Variants in SMIM13 observed in about 807,000 individuals in gnomAD.
SMIM13 encodes the protein UPF0766 protein C6orf228.
In SMIM13, 3 loss-of-function variants were observed where a neutral mutation model predicts 5.9. The ratio of observed to expected loss-of-function variants is 0.51; its 90% CI spans 0.23 to 1.31. The LOEUF is 1.31. Among genes scored for constraint, SMIM13 ranks in the 40% most tolerant of loss-of-function variants. SMIM13 has a pLI of 0.18. For synonymous variants in SMIM13, 55 were observed against 46.0 expected (o/e 1.19, Z -0.79); for missense variants, 85 against 109.9 (o/e 0.77, Z 1.01).
chr6:11,101,579 A>T (rs1757991774), intron 1 of SMIM13, among the ~76,000 whole-genome samples: 1 of 152,026 alleles, frequency 6.6e-6, no homozygotes, highest in African/African-American at 2.4e-5. Context: ...GAGTGGGCCG[A>T]TTGATTGGTC....
intron 1 of SMIM13, among the ~76,000 whole-genome samples, chr6:11,127,931 G>T (rs1758399601): frequency 1.3e-5 from 2 of 152,152 alleles, no homozygotes; most frequent in Admixed American, 6.5e-5. Flanking sequence ...CTTCCCTCTG[G>T]CCCAGAGCAG....
intron 1 of SMIM13, among the ~76,000 whole-genome samples, chr6:11,100,846 A>T (rs979175738): frequency 3.3e-5 from 5 of 152,128 alleles, no homozygotes; most frequent in Admixed American, 2.0e-4. Flanking sequence ...GTCATTATAC[A>T]TGACTTGGTT....
chr6:11,134,453 G>T lies in SMIM13; in HGVS notation c.127G>T (p.Glu43Ter), dbSNP rs1758491413. The T allele has an allele frequency of 2.6e-6, 4 of 1,551,014 alleles. No homozygotes were observed. The highest frequency in any genetic ancestry group is 3.5e-6 in the Non-Finnish European group (4 of 1,146,630). ...TTTATCAAAATTCAAGTTTCTCCGG[G>T]AACTGGTGGGAGACACAGGATCCCA... ...LFLSKFKFLR[E>*]LVGDTGSQEG... The change falls in exon 2 of 2, where the codon GAA (glutamate) becomes TAA (stop). Residue 43 changes from glutamate (E) to a stop codon, truncating the protein, a stop_gained. Coordinates refer to ENST00000416247, the MANE Select transcript of SMIM13 (RefSeq NM_001135575.2). LOFTEE classifies it high-confidence loss of function.
intron 1 of SMIM13, among the ~76,000 whole-genome samples, chr6:11,123,110 G>A (rs1365466842): frequency 6.6e-6 from 1 of 152,140 alleles, no homozygotes; most frequent in Non-Finnish European, 1.5e-5. Flanking sequence ...CACTGTACCT[G>A]CTCCTGGGGC....
chr6:11,120,397 A>G (rs550775079), intron 1 of SMIM13, among the ~76,000 whole-genome samples: 45 of 152,308 alleles, frequency 3.0e-4, no homozygotes, highest in Middle Eastern at 6.8e-3. Context: ...TTCCTGGTTC[A>G]TAGATGTCTG....
At chr6:11,106,610 G>A (rs1758087427) in intron 1 of SMIM13, among the ~76,000 whole-genome samples, 1 of 152,220 alleles carries the variant, frequency 6.6e-6, no homozygotes, top group African/African-American at 2.4e-5. Context: ...CAATACCCAT[G>A]TTGGGTGGCC....
intron 1 of SMIM13, among the ~76,000 whole-genome samples, chr6:11,113,128 G>T (rs1054718734): frequency 6.6e-6 from 1 of 152,212 alleles, no homozygotes; most frequent in Non-Finnish European, 1.5e-5. Context: ...TGTAGTAGTA[G>T]TATTAGTAGT....
intron 1 of SMIM13, among the ~76,000 whole-genome samples, chr6:11,107,037 A>C (rs1758095681): frequency 6.6e-6 from 1 of 152,000 alleles, no homozygotes; most frequent in South Asian, 2.1e-4. Flanking sequence ...CAGAGCTTTA[A>C]CCTCTGTAAT....
chr6:11,117,747 T>TA (rs1491222442), intron 1 of SMIM13, among the ~76,000 whole-genome samples: 1 of 130,872 alleles, frequency 7.6e-6, no homozygotes, highest in Non-Finnish European at 1.7e-5. Flanking sequence ...ATGGTCTATC[T>TA]TTTTTTTTTT....
At chr6:11,126,783 GT>G (rs1184060473) in intron 1 of SMIM13, among the ~76,000 whole-genome samples, 1 of 152,162 alleles carries the variant, frequency 6.6e-6, no homozygotes, top group African/African-American at 2.4e-5. Context: ...TGCTTTCCAA[GT>G]TTTGGAAGGG....
chr6:11,120,382 C>T (rs535988666), intron 1 of SMIM13, among the ~76,000 whole-genome samples: 1 of 152,136 alleles, frequency 6.6e-6, no homozygotes, highest in South Asian at 2.1e-4. Flanking sequence ...CTGGTGAGGG[C>T]CTGCTTCCTG....
intron 1 of SMIM13, among the ~76,000 whole-genome samples, chr6:11,133,328 T>G (rs948520639): frequency 6.6e-6 from 1 of 152,184 alleles, no homozygotes; most frequent in African/African-American, 2.4e-5. Flanking sequence ...AGAAATGGAT[T>G]AAATCTCCGA....
At position 11,138,418 on chromosome 6, in the gene SMIM13, G is replaced by C. The variant is rs1463488759; in HGVS notation, c.*3816G>C. The C allele has an allele frequency of 2.0e-5, 3 of 152,072 alleles. No homozygotes were observed. Among genetic ancestry groups the C allele is most frequent in the African/African-American group, 7.2e-5 (3 of 41,408 alleles). The allele number at this position is 152,072 out of a possible 1,614,324, so 9.4% of individuals were successfully genotyped here. ...CTGTTTTATGGGGAATGTTTAACAC[G>C]ATCCTCCAAGTTGGTTCTATGCATA... On this transcript the variant is annotated 3_prime_UTR_variant, in exon 2 of 2. Coordinates refer to ENST00000416247, the MANE Select transcript of SMIM13 (RefSeq NM_001135575.2).
In SMIM13 at chr6:11,103,785, T is replaced by G. The variant is rs1047811514; in HGVS notation, c.76+9396T>G. On this transcript the variant is annotated intron_variant, in intron 1 of 1. Coordinates refer to ENST00000416247, the MANE Select transcript of SMIM13 (RefSeq NM_001135575.2). ...GGCCTGAAGGCGAGAGGAGACAAATTGGGTTATTAGATTTAGGAGACATGG... is the reference window on the plus strand; with the variant it reads ...GGCCTGAAGGCGAGAGGAGACAAATGGGGTTATTAGATTTAGGAGACATGG... 3 of 1,551,422 alleles carry G rather than the reference T, an allele frequency of 1.9e-6. No homozygotes were observed. The East Asian group carries it at 7.3e-5, about 38-fold the overall frequency.
chr6:11,128,948 A>G (rs1159658442), intron 1 of SMIM13, among the ~76,000 whole-genome samples: 2 of 151,684 alleles, frequency 1.3e-5, no homozygotes, highest in African/African-American at 4.9e-5. Flanking sequence ...TATCTTTCCT[A>G]CCCTCTTCAG....
At chr6:11,114,796 C>T (rs1257966020) in intron 1 of SMIM13, among the ~76,000 whole-genome samples, 1 of 151,758 alleles carries the variant, frequency 6.6e-6, no homozygotes, top group Non-Finnish European at 1.5e-5. Context: ...GACGGGGTTT[C>T]ACCATGTTGA....
At chr6:11,103,659 T>C in intron 1 of SMIM13, 1 of 1,511,512 alleles carries the variant, frequency 6.6e-7, no homozygotes, top group African/African-American at 1.4e-5. Context: ...TTCGCCTCTG[T>C]CGTGTTCCAC....
intron 1 of SMIM13, among the ~76,000 whole-genome samples, chr6:11,102,065 A>G (rs1373120851): frequency 6.6e-6 from 1 of 152,172 alleles, no homozygotes; most frequent in African/African-American, 2.4e-5. Flanking sequence ...TAAAAGCCTT[A>G]TAATTCTAAC....
At chr6:11,115,684 TTTC>T (rs1758228358) in intron 1 of SMIM13, among the ~76,000 whole-genome samples, 1 of 143,296 alleles carries the variant, frequency 7.0e-6, no homozygotes, top group Non-Finnish European at 1.5e-5. Context: ...TCTTTTTTCT[TTTC>T]TTTTTTTTTT....
Sources: allele counts gnomAD v4.1 joint callset (sites outside exome capture counted in the v4.1 genomes callset), GRCh38; gene constraint gnomAD v4.1.1; transcripts MANE v1.5; gene names NCBI Gene and HGNC (gene_info 2026-07-23, HGNC 2026-07-21).